The following PAQR3 variants were observed in gnomAD, a reference collection of about 807,000 sequenced individuals.
PAQR3 encodes progestin and adipoQ receptor family member 3, also known as Raf kinase trapping to Golgi.
A neutral mutation model predicts 41.7 loss-of-function variants in PAQR3; 39 were observed. The ratio of observed to expected loss-of-function variants is 0.93; its 90% CI spans 0.72 to 1.22. The LOEUF is 1.22. Among genes scored for constraint, PAQR3 ranks in the 50% most tolerant of loss-of-function variants. The probability of loss-of-function intolerance (pLI) is 0.00; values close to 1 mark genes in which losing one functional copy is unlikely to be tolerated. For synonymous variants in PAQR3, 140 were observed against 140.6 expected, an observed-to-expected ratio of 1.00 and a Z score of 0.03; for missense variants, 366 against 385.6, an observed-to-expected ratio of 0.95 and a Z score of 0.42.
downstream of PAQR3, among the ~76,000 whole-genome samples, chr4:78,910,085 C>A (rs1734503447): frequency 6.6e-6 from 1 of 152,148 alleles, no homozygotes; most frequent in African/African-American, 2.4e-5. Flanking sequence ...TGAGGCCATT[C>A]ATGCTAAGTC....
At chr4:78,890,823 A>T (rs1448327177) in intron 11 of PAQR3, among the ~76,000 whole-genome samples, 1 of 152,118 alleles carries the variant, frequency 6.6e-6, no homozygotes, top group Non-Finnish European at 1.5e-5. Flanking sequence ...AGCTCTTCTC[A>T]TCCTTTTTCT....
rs1735385689 is a variant in PAQR3, at chr4:78,919,021, T to TG, written c.*1517dup. ...CACGGTATTCCTTTACTGAGCCTCC[T>TG]GGGGGGAAATTCTCTTTGCTGAGAT... On this transcript the variant is annotated 3_prime_UTR_variant, in exon 6 of 6. Transcript: ENST00000512733. 1 of 984,956 alleles carries TG rather than the reference T, an allele frequency of 1.0e-6. No homozygotes were observed. Among genetic ancestry groups the TG allele is most frequent in the African/African-American group, 1.7e-5 (1 of 57,270 alleles). The allele number at this position is 984,956 out of a possible 1,614,324, so 61.0% of individuals were successfully genotyped here. A position where few individuals can be genotyped will look rare whatever the true frequency, so the allele number is the denominator to read the frequency against.
In PAQR3 at chr4:78,912,016, T is replaced by C. The variant is rs1042763727; in HGVS notation, c.*8523A>G. 1 of 1,610,682 alleles carries C rather than the reference T, an allele frequency of 6.2e-7. No individual in the cohort carries two copies. Among genetic ancestry groups the C allele is most frequent in the African/African-American group, 1.3e-5 (1 of 75,004 alleles). On this transcript the variant is annotated 3_prime_UTR_variant, in exon 6 of 6. Coordinates refer to ENST00000512733, the MANE Select transcript of PAQR3 (RefSeq NM_001040202.2). ...ATTAGACCCATTTGGTGCTGCTCCA[T>C]TTCCTTCTAAACAGTAGATACTTCT...
intron 11 of PAQR3, among the ~76,000 whole-genome samples, chr4:78,890,493 A>G (rs1343104457): frequency 1.3e-5 from 2 of 152,206 alleles, no homozygotes; most frequent in East Asian, 3.9e-4. Context: ...TTCAGTGTCT[A>G]CATTTTTTTA....
intron 10 of PAQR3, chr4:78,906,224 C>T (rs141152576): frequency 6.6e-6 from 1 of 152,042 alleles, no homozygotes; most frequent in Non-Finnish European, 1.5e-5. Context: ...CATTACTGCT[C>T]TTTACTTTTT....
chr4:78,901,494 G>T (rs956557695), intron 11 of PAQR3, among the ~76,000 whole-genome samples: 1 of 152,154 alleles, frequency 6.6e-6, no homozygotes, highest in Non-Finnish European at 1.5e-5. Flanking sequence ...GAACCTGTTT[G>T]TGAGGATTTC....
chr4:78,896,105 C>A (rs1733686158), intron 11 of PAQR3, among the ~76,000 whole-genome samples: 1 of 152,124 alleles, frequency 6.6e-6, no homozygotes, highest in South Asian at 2.1e-4. Flanking sequence ...TTTTAATTTT[C>A]TTTCCTTACC....
downstream of PAQR3, chr4:78,910,573 A>G (rs1203845238): frequency 1.4e-6 from 2 of 1,426,810 alleles, no homozygotes; most frequent in African/African-American, 1.4e-5. Flanking sequence ...TCTGAAATGC[A>G]TTGGAATGCT....
intron 3 of PAQR3, 74 bp downstream of exon 3, chr4:78,930,096 A>C: frequency 7.2e-7 from 1 of 1,391,922 alleles, no homozygotes; most frequent in Non-Finnish European, 9.8e-7. Context: ...TTATTCAGAA[A>C]TTCAAAAGAA....
downstream of PAQR3, among the ~76,000 whole-genome samples, chr4:78,909,653 C>G (rs1327489163): frequency 6.6e-6 from 1 of 152,094 alleles, no homozygotes; most frequent in Non-Finnish European, 1.5e-5. Flanking sequence ...TGGCTGGGCT[C>G]CTTCTCATTG....
In PAQR3 at chr4:78,926,729, A is replaced by T; in HGVS notation, c.505-11T>A. 1 of 1,608,764 alleles carries T rather than the reference A, an allele frequency of 6.2e-7. No individual in the cohort carries two copies. Among genetic ancestry groups the T allele is most frequent in the African/African-American group, 1.3e-5 (1 of 74,918 alleles). ...CACCTGACGCCAGTACTAGAATGAA[A>T]GGAAATCACATTTTAATTCTGTTAT... On this transcript the variant is annotated splice_polypyrimidine_tract_variant and intron_variant, in intron 3 of 5. Coordinates refer to ENST00000512733, the MANE Select transcript of PAQR3 (RefSeq NM_001040202.2).
rs1345464654 is a variant in PAQR3, at chr4:78,913,187, A to C, written c.*7352T>G. On this transcript the variant is annotated 3_prime_UTR_variant, in exon 6 of 6. Transcript: ENST00000512733. ...GTGCACAGAATGGTGACACCCACAA[A>C]GCCTTATATAAAGGCAGGATTCATG... 5.3e-5 allele frequency: 8 copies of C among 152,122 alleles called. No individual in the cohort carries two copies. 9.4% of individuals were successfully genotyped at this position (152,122 alleles called of 1,614,324 possible).
rs150888081 is a variant in PAQR3 at position 78,911,922 on chromosome 4, C to T, written c.*8617G>A. Reference sequence around the variant, plus strand: ...TATTGAAAATGGATGATTTTGGTGCCGTGCCCTTTACAGAACTTGTGGTGC... The same window carrying T: ...TATTGAAAATGGATGATTTTGGTGCTGTGCCCTTTACAGAACTTGTGGTGC... On this transcript the variant is annotated 3_prime_UTR_variant, in exon 6 of 6. Coordinates refer to ENST00000512733, the MANE Select transcript of PAQR3 (RefSeq NM_001040202.2). 5 of 1,613,922 alleles carry T rather than the reference C, an allele frequency of 3.1e-6. No individual in the cohort carries two copies. The East Asian group carries it at 6.7e-5, about 22-fold the overall frequency.
At chr4:78,932,229 G>A (rs1370763493) in intron 2 of PAQR3, among the ~76,000 whole-genome samples, 1 of 152,012 alleles carries the variant, frequency 6.6e-6, no homozygotes, top group Admixed American at 6.5e-5. Flanking sequence ...ATCCTTAATA[G>A]TCTATAGCTT....
downstream of PAQR3, chr4:78,910,546 A>T (rs1734532884): frequency 7.7e-7 from 1 of 1,293,984 alleles, no homozygotes; most frequent in Non-Finnish European, 1.0e-6. Context: ...ACATATTAAC[A>T]TTTAGTGCAA....
chr4:78,930,294 A>G lies in PAQR3; in HGVS notation c.380T>C (p.Leu127Pro). ...VCMLCSVGYH[L>P]FSCHRSEKTC... The stretch of plus-strand genomic sequence containing the variant: ...TTTTTCTGACCGATGGCAGGAAAAA[A>G]GATGATAGCCCACAGAGCAAAGCAT... The change falls in exon 3 of 6, where the codon CTT becomes CCT. Residue 127 changes from leucine (L) to proline (P), a missense_variant. Transcript: ENST00000512733. 2 of 1,613,646 alleles carry G rather than the reference A, an allele frequency of 1.2e-6. No homozygotes were observed. Among genetic ancestry groups the G allele is most frequent in the Non-Finnish European group, 1.7e-6 (2 of 1,179,848 alleles).
At chr4:78,926,385 C>T in intron 4 of PAQR3, 136 bp downstream of exon 4, 3 of 695,356 alleles carry the variant, frequency 4.3e-6, no homozygotes, top group Non-Finnish European at 7.2e-6. Flanking sequence ...AAAATTACGG[C>T]ATCAACATGC....
chr4:78,938,917 A>T, intron 1 of PAQR3, 123 bp downstream of exon 1: 1 of 958,748 alleles, frequency 1.0e-6, no homozygotes, highest in Non-Finnish European at 1.5e-6. Flanking sequence ...AAAGGGATGA[A>T]AAGGATGGGG....
rs146209393 is a variant in PAQR3 at position 78,930,225 on chromosome 4, A to G, written c.449T>C (p.Ile150Thr). 3.7e-4 allele frequency: 599 copies of G among 1,613,734 alleles called. 2 individuals carry two copies. In the African/African-American group the frequency reaches 7.2e-3, roughly 19 times the overall value. ...WMALDYAGIS[I>T]GILGCYVSGV... ...TGAGACATAGCAGCCCAGTATTCCA[A>G]TAGAAATTCCTGCATAATCTAATGC... The change falls in exon 3 of 6, where the codon ATT becomes ACT. Residue 150 changes from isoleucine to threonine, a missense_variant. Transcript: ENST00000512733.
Sources: gnomAD v4.1 joint callset for allele counts (sites outside exome capture counted in the v4.1 genomes callset) on GRCh38, gnomAD v4.1.1 for gene constraint, MANE v1.5 for transcripts, NCBI Gene and HGNC (gene_info 2026-07-23, HGNC 2026-07-21) for gene names.